SAMD9L: variants seen among roughly 807,000 people sequenced by gnomAD.
SAMD9L encodes the protein sterile alpha motif domain containing 9 like, also known as sterile alpha motif domain-containing protein 9-like.
Under a neutral mutation model 90.7 loss-of-function variants are expected in SAMD9L, and 68 were observed. That is an observed-to-expected ratio of 0.75 (90% CI 0.62 to 0.92). The LOEUF is 0.92. Ranked by LOEUF, SAMD9L falls within the 40% of genes least tolerant of loss-of-function variation. SAMD9L has a pLI of 0.00. For missense variants in SAMD9L, 1,604 were observed against 1,824.3 expected (o/e 0.88, Z 2.20); for synonymous variants, 640 against 630.1 (o/e 1.02, Z -0.23).
intron 4 of SAMD9L, among the ~76,000 whole-genome samples, chr7:93,138,661 A>T (rs76260803): frequency 6.6e-6 from 1 of 152,168 alleles, no homozygotes; most frequent in East Asian, 1.9e-4. Context: ...GGACCTGCCA[A>T]AGGCCCCTTT....
chr7:93,142,257 G>T (rs1792721527), intron 4 of SAMD9L, among the ~76,000 whole-genome samples: 1 of 151,984 alleles, frequency 6.6e-6, no homozygotes, highest in African/African-American at 2.4e-5. Context: ...CTCATTCTGT[G>T]TCAGCAACTG....
chr7:93,137,127 C>T (rs915160049), intron 4 of SAMD9L, among the ~76,000 whole-genome samples: 1 of 152,020 alleles, frequency 6.6e-6, no homozygotes, highest in Non-Finnish European at 1.5e-5. Flanking sequence ...AAACACTAAA[C>T]TATAAAAAGA....
rs767681806 is a variant in SAMD9L, at chr7:93,135,711, C to T, written c.261G>A (p.Pro87=). 50 of 1,613,822 alleles carry T rather than the reference C, an allele frequency of 3.1e-5. No homozygotes were observed. The highest frequency in any genetic ancestry group is 1.6e-4 in the Middle Eastern group (1 of 6,084). The change falls in exon 5 of 5, where the codon CCG becomes CCA. Residue 87 remains proline, a synonymous_variant. Coordinates refer to ENST00000318238, the MANE Select transcript of SAMD9L (RefSeq NM_152703.5). ...SKSPESDNHD[P]GQLDNSKPSK... ...ACGGTTTTGAATTATCTAATTGTCC[C>T]GGATCATGATTGTCACTTTCAGGGG...
At chr7:93,136,656 G>A (rs1792465091) in intron 4 of SAMD9L, among the ~76,000 whole-genome samples, 1 of 152,154 alleles carries the variant, frequency 6.6e-6, no homozygotes, top group East Asian at 1.9e-4. Context: ...TTTTAATTTT[G>A]TTAGAGCCAT....
chr7:93,133,278 T>G lies in SAMD9L; in HGVS notation c.2694A>C (p.Glu898Asp), dbSNP rs1449637066. Residue 898 changes from glutamate (E) to aspartate (D), a missense_variant, in exon 5 of 5, where the codon GAA becomes GAC. By Grantham distance (45) the Glu-to-Asp change is conservative (BLOSUM62 2). This residue lies in a region of SAMD9L where 606 missense variants were observed against 717.6 expected (regional missense o/e 0.84). Transcript: ENST00000318238. Reference sequence around the variant, plus strand: ...TCCTGACTACATTTTCTATATATGTTTCATCAAAATTGCTTTTCATGATCA... The same window carrying G: ...TCCTGACTACATTTTCTATATATGTGTCATCAAAATTGCTTTTCATGATCA... ...SFMIMKSNFD[E>D]TYIENVVRNI... The G allele has an allele frequency of 1.9e-6, 3 of 1,612,534 alleles. No homozygotes were observed. The highest frequency in any genetic ancestry group is 2.5e-6 in the Non-Finnish European group (3 of 1,179,214).
chr7:93,141,790 G>C (rs1307268071), intron 4 of SAMD9L, among the ~76,000 whole-genome samples: 1 of 152,046 alleles, frequency 6.6e-6, no homozygotes, highest in African/African-American at 2.4e-5. Flanking sequence ...CAGCCAACCT[G>C]GTCCTGTTCA....
Position 93,132,599 on chromosome 7 carries a change from G to A in SAMD9L, c.3373C>T (p.Gln1125Ter), listed in dbSNP as rs867639972. Residue 1125 changes from glutamine (Q) to a stop codon, truncating the protein, a stop_gained, in exon 5 of 5, where the codon CAA (glutamine) becomes TAA (stop). Transcript: ENST00000318238. LOFTEE classifies it high-confidence loss of function. Reference sequence around the variant, plus strand: ...CATTTGATTTCACTTTTGTAGACTTGACCTAGTGTATCTGAAATATAGGAA... The same window carrying A: ...CATTTGATTTCACTTTTGTAGACTTAACCTAGTGTATCTGAAATATAGGAA... ...KNSYISDTLG[Q>*]VYKSEIKWWL... 1 of 1,613,652 alleles carries A rather than the reference G, an allele frequency of 6.2e-7. No individual in the cohort carries two copies. The highest frequency in any genetic ancestry group is 1.3e-5 in the African/African-American group (1 of 74,986).
At chr7:93,137,382 A>G (rs1218054501) in intron 4 of SAMD9L, among the ~76,000 whole-genome samples, 1 of 152,090 alleles carries the variant, frequency 6.6e-6, no homozygotes, top group Non-Finnish European at 1.5e-5. Context: ...TGAACTGTGC[A>G]TATAAGGGAT....
In SAMD9L at chr7:93,132,810, C is replaced by CA; in HGVS notation, c.3161dup (p.Phe1055ValfsTer11). ...GTAAAGCTTCCATTAATGGGGAAAA[C>CA]AGAGTGTCTGTTTCATCTCCATACA... On this transcript the variant is annotated frameshift_variant, in exon 5 of 5. Transcript: ENST00000318238. LOFTEE classifies it high-confidence loss of function. The CA allele has an allele frequency of 6.2e-7, 1 of 1,613,722 alleles. No individual in the cohort carries two copies. The highest frequency in any genetic ancestry group is 8.5e-7 in the Non-Finnish European group (1 of 1,179,790).
intron 4 of SAMD9L, among the ~76,000 whole-genome samples, chr7:93,140,242 G>A (rs1792633660): frequency 6.9e-6 from 1 of 145,114 alleles, no homozygotes; most frequent in Non-Finnish European, 1.5e-5. Context: ...GCTGAACAAT[G>A]GCCCTTCATA....
chr7:93,143,084 C>G (rs1023729103), intron 4 of SAMD9L, among the ~76,000 whole-genome samples: 12 of 152,170 alleles, frequency 7.9e-5, no homozygotes, highest in African/African-American at 2.9e-4. Context: ...TTTGTGTTAC[C>G]TGACAGCATG....
rs945937055 is a variant in SAMD9L at position 93,130,300 on chromosome 7, T to C, written c.*917A>G. 1.3e-5 allele frequency: 2 copies of C among 152,172 alleles called. No individual in the cohort carries two copies. Among genetic ancestry groups the C allele is most frequent in the African/African-American group, 4.8e-5 (2 of 41,446 alleles). The allele number at this position is 152,172 out of a possible 1,614,324, so 9.4% of individuals were successfully genotyped here. A position where few individuals can be genotyped will look rare whatever the true frequency, so the allele number is the denominator to read the frequency against. On this transcript the variant is annotated 3_prime_UTR_variant, in exon 5 of 5. Coordinates refer to ENST00000318238, the MANE Select transcript of SAMD9L (RefSeq NM_152703.5). ...AGGAATGATGGTGGTCAAGGAAGACTTCCTGGTGAAGGTGACTCTTGAAAT... is the reference window on the plus strand; with the variant it reads ...AGGAATGATGGTGGTCAAGGAAGACCTCCTGGTGAAGGTGACTCTTGAAAT...
At position 93,135,576 on chromosome 7, in the gene SAMD9L, T is replaced by G. The variant is rs548266601; in HGVS notation, c.396A>C (p.Glu132Asp). ...CATTTTCTTTCATAAGAATTGATTCTTCTTGTTTGATATCTCTGATCTCTC... is the reference window on the plus strand; with the variant it reads ...CATTTTCTTTCATAAGAATTGATTCGTCTTGTTTGATATCTCTGATCTCTC... ...DPREIRDIKQ[E>D]ESILMKENVL... is the part of the protein sequence containing the mutation. The change falls in exon 5 of 5, where the codon GAA (glutamate) becomes GAC (aspartate). Residue 132 changes from glutamate (E) to aspartate (D), a missense_variant. This residue lies in a region of SAMD9L where 374 missense variants were observed against 363.6 expected (regional missense o/e 1.03). Coordinates refer to ENST00000318238, the MANE Select transcript of SAMD9L (RefSeq NM_152703.5). 1 of 1,614,012 alleles carries G rather than the reference T, an allele frequency of 6.2e-7. No homozygotes were observed. Among genetic ancestry groups the G allele is most frequent in the East Asian group, 2.2e-5 (1 of 44,866 alleles).
At position 93,135,382 on chromosome 7, in the gene SAMD9L, T is replaced by C; in HGVS notation, c.590A>G (p.His197Arg). Residue 197 changes from histidine (H) to arginine (R), a missense_variant, in exon 5 of 5, where the codon CAT (histidine) becomes CGT (arginine). Coordinates refer to ENST00000318238, the MANE Select transcript of SAMD9L (RefSeq NM_152703.5). Reference protein sequence around the residue: ...TGALNLIDPIHEFKALTNTET... With the variant: ...TGALNLIDPIREFKALTNTET... ...TGTGTTTGTGAGAGCTTTGAACTCA[T>C]GTATTGGATCAATGAGATTGAGTGC... 1.2e-6 allele frequency: 2 copies of C among 1,614,132 alleles called. No homozygotes were observed. The highest frequency in any genetic ancestry group is 1.7e-6 in the Non-Finnish European group (2 of 1,179,976).
intron 4 of SAMD9L, among the ~76,000 whole-genome samples, chr7:93,142,153 AT>A (rs2116541456): frequency 6.6e-6 from 1 of 152,220 alleles, no homozygotes; most frequent in East Asian, 1.9e-4. Flanking sequence ...CTTTCTTAAA[AT>A]TTCAGTCCTT....
Position 93,134,672 on chromosome 7 carries a change from A to C in SAMD9L, c.1300T>G (p.Phe434Val). 6.2e-7 allele frequency: 1 copy of C among 1,613,894 alleles called. No homozygotes were observed. The highest frequency in any genetic ancestry group is 2.2e-5 in the East Asian group (1 of 44,876). The part of the protein sequence containing the change: ...CHPNQIKHLD[F>V]LKEIKWFAVL... ...GCAAACCATTTAATTTCTTTTAAAA[A>C]ATCTAAGTGCTTTATTTGGTTTGGA... Residue 434 changes from phenylalanine to valine, a missense_variant, in exon 5 of 5, where the codon TTT becomes GTT. Phe to Val is a conservative substitution (Grantham distance 50). Transcript: ENST00000318238.
intron 4 of SAMD9L, among the ~76,000 whole-genome samples, chr7:93,144,177 C>T (rs1033262226): frequency 6.6e-6 from 1 of 152,194 alleles, no homozygotes; most frequent in Non-Finnish European, 1.5e-5. Context: ...AAAGGTGTAG[C>T]TGCTCTGGTT....
Position 93,132,958 on chromosome 7 carries a change from T to A in SAMD9L, c.3014A>T (p.His1005Leu), listed in dbSNP as rs779189130. ...CAATGCAATTTGACATTTATCCAAGTGATAGCTTCTTTCCAGTTCTTTTAG... is the reference window on the plus strand; with the variant it reads ...CAATGCAATTTGACATTTATCCAAGAGATAGCTTCTTTCCAGTTCTTTTAG... ...YCLKELERSY[H>L]LDKCQIALNI... The change falls in exon 5 of 5, where the codon CAC becomes CTC. Residue 1005 changes from histidine to leucine, a missense_variant. Physicochemically the swap from His to Leu is moderately conservative, Grantham distance 99 (BLOSUM62 -3). Transcript: ENST00000318238. 17 of 1,613,446 alleles carry A rather than the reference T, an allele frequency of 1.1e-5. No individual in the cohort carries two copies. Among genetic ancestry groups the A allele is most frequent in the Non-Finnish European group, 1.4e-5 (17 of 1,179,720 alleles).
intron 4 of SAMD9L, among the ~76,000 whole-genome samples, chr7:93,139,794 C>T (rs1241075686): frequency 6.6e-6 from 1 of 152,092 alleles, no homozygotes; most frequent in Non-Finnish European, 1.5e-5. Flanking sequence ...CTTCCCTGTC[C>T]CCACCATCTC....
Sources: gnomAD v4.1 joint callset for allele counts (sites outside exome capture counted in the v4.1 genomes callset) on GRCh38, gnomAD v4.1.1 for gene constraint, gnomAD v4.1.1 regional missense constraint, MANE v1.5 for transcripts, NCBI Gene and HGNC (gene_info 2026-07-23, HGNC 2026-07-21) for gene names.